The following MIGA1 variants were observed in gnomAD, a reference collection of about 807,000 sequenced individuals.
MIGA1 encodes mitoguardin 1, also known as family with sequence similarity 73, member A.
In MIGA1, 58 loss-of-function variants were observed where a neutral mutation model predicts 82.0. That is an observed-to-expected ratio of 0.71 (90% CI 0.57 to 0.88). The LOEUF (loss-of-function observed/expected upper bound fraction) is 0.88, where lower values mean the gene tolerates loss of function less well. Among genes scored for constraint, MIGA1 ranks in the 40% least tolerant of loss-of-function variants. The probability of loss-of-function intolerance (pLI) is 0.00; values close to 1 mark genes in which losing one functional copy is unlikely to be tolerated. For synonymous variants in MIGA1, 249 were observed against 253.6 expected (o/e 0.98, Z 0.17); for missense variants, 751 against 749.1 (o/e 1.00, Z -0.03).
chr1:77,869,985 C>T lies in MIGA1; in HGVS notation c.1564-3019C>T, dbSNP rs1394267060. Reference sequence around the variant, plus strand: ...GGGGCTGACCCCCCCACCTCCCTCCCGGATGGGGCGACTGGCCGGGCAGAG... The same window carrying T: ...GGGGCTGACCCCCCCACCTCCCTCCTGGATGGGGCGACTGGCCGGGCAGAG... On this transcript the variant is annotated intron_variant, in intron 14 of 15. Coordinates refer to ENST00000370791, the MANE Select transcript of MIGA1 (RefSeq NM_198549.4). Among the ~76,000 whole-genome samples the T allele has an allele frequency of 1.1e-4, 14 of 130,064 alleles. 1 individual carries two copies. Among genetic ancestry groups the T allele is most frequent in the Middle Eastern group, 4.8e-3 (1 of 210 alleles). 85.3% of individuals were successfully genotyped at this position (130,064 alleles called of 152,430 possible).
intron 8 of MIGA1, among the ~76,000 whole-genome samples, chr1:77,856,822 G>A (rs1405511683): frequency 6.6e-6 from 1 of 151,952 alleles, no homozygotes; most frequent in Non-Finnish European, 1.5e-5. Context: ...TTTTCAAAGA[G>A]CCAGCTTTTT....
chr1:77,812,064 A>G (rs1277625689), intron 5 of MIGA1, among the ~76,000 whole-genome samples: 1 of 152,240 alleles, frequency 6.6e-6, no homozygotes, highest in Non-Finnish European at 1.5e-5. Context: ...CTGTAATCCC[A>G]TAACTTAGGG....
rs918233648 is a variant in MIGA1 at position 77,878,906 on chromosome 1, T to C, written c.*3842T>C. On this transcript the variant is annotated 3_prime_UTR_variant, in exon 16 of 16. Coordinates refer to ENST00000370791, the MANE Select transcript of MIGA1 (RefSeq NM_198549.4). ...CATCCATTTACTATGATTCCGTTAA[T>C]TTGTTGAATTAAATGCCTTTATAAA... 37 of 343,350 alleles carry C rather than the reference T, an allele frequency of 1.1e-4. No homozygotes were observed. The highest frequency in any genetic ancestry group is 6.7e-4 in the African/African-American group (32 of 47,820). The allele number at this position is 343,350 out of a possible 1,614,324, so 21.3% of individuals were successfully genotyped here.
chr1:77,861,249 T>A lies in MIGA1; in HGVS notation c.1301T>A (p.Phe434Tyr). 1.2e-6 allele frequency: 2 copies of A among 1,612,898 alleles called. No individual in the cohort carries two copies. The highest frequency in any genetic ancestry group is 1.7e-6 in the Non-Finnish European group (2 of 1,179,120). ...AATCCAAAGAAGTTTGAAGATGTTT[T>A]TGATGAAATGATCTATTTTTTAGAG... The change falls in exon 12 of 16, where the codon TTT becomes TAT. Residue 434 changes from phenylalanine (F) to tyrosine (Y), a missense_variant. This residue lies in a region of MIGA1 where 265 missense variants were observed against 293.6 expected (regional missense o/e 0.90). Transcript: ENST00000370791.
chr1:77,879,537 G>A lies in MIGA1; in HGVS notation c.*4473G>A, dbSNP rs1646919519. Reference sequence around the variant, plus strand: ...TATTACTGCCAAATAAAAAAGTGATGGTACGTCTTGCTGATGTATTGAATA... The same window carrying A: ...TATTACTGCCAAATAAAAAAGTGATAGTACGTCTTGCTGATGTATTGAATA... On this transcript the variant is annotated 3_prime_UTR_variant, in exon 16 of 16. Coordinates refer to ENST00000370791, the MANE Select transcript of MIGA1 (RefSeq NM_198549.4). The A allele has an allele frequency of 6.6e-6, 1 of 152,032 alleles. No homozygotes were observed. Among genetic ancestry groups the A allele is most frequent in the African/African-American group, 2.4e-5 (1 of 41,396 alleles). The allele number at this position is 152,032 out of a possible 1,614,324, so 9.4% of individuals were successfully genotyped here.
intron 4 of MIGA1, among the ~76,000 whole-genome samples, chr1:77,804,189 G>A (rs974225077): frequency 5.9e-5 from 9 of 152,142 alleles, no homozygotes; most frequent in Admixed American, 3.3e-4. Context: ...ATAGGTGAAA[G>A]TATTTGGTTT....
intron 14 of MIGA1, among the ~76,000 whole-genome samples, chr1:77,869,745 C>T (rs1195696860): frequency 9.0e-6 from 1 of 111,602 alleles, no homozygotes; most frequent in Non-Finnish European, 1.8e-5. Flanking sequence ...CCGACCCCCC[C>T]CCCGCCTGCC....
intron 5 of MIGA1, chr1:77,810,767 C>A: frequency 7.5e-7 from 1 of 1,332,996 alleles, no homozygotes; most frequent in Non-Finnish European, 1.0e-6. Context: ...CGGCTTGCTT[C>A]CTGCCTGTTG....
intron 8 of MIGA1, among the ~76,000 whole-genome samples, chr1:77,843,737 T>C (rs1191641309): frequency 6.6e-6 from 1 of 152,138 alleles, no homozygotes; most frequent in Non-Finnish European, 1.5e-5. Context: ...ATTTCTTTAG[T>C]TCAGAAATCA....
chr1:77,795,998 C>T (rs1682637703), intron 2 of MIGA1, among the ~76,000 whole-genome samples: 1 of 152,054 alleles, frequency 6.6e-6, no homozygotes, highest in Non-Finnish European at 1.5e-5. Context: ...AGCAGTGAGA[C>T]ACCTGGCTCT....
At chr1:77,803,129 G>A (rs1310559404) in intron 3 of MIGA1, 141 bp from the exon 4 acceptor site, 1 of 416,038 alleles carries the variant, frequency 2.4e-6, no homozygotes, top group African/African-American at 2.1e-5. Context: ...TGATGTACAT[G>A]TAATAATTTA....
chr1:77,836,206 A>C (rs576087610), intron 7 of MIGA1, among the ~76,000 whole-genome samples: 1 of 152,308 alleles, frequency 6.6e-6, no homozygotes, highest in South Asian at 2.1e-4. Context: ...AAAAGAAAGA[A>C]AGTAAAGTCC....
At chr1:77,848,027 C>G (rs912374959) in intron 8 of MIGA1, 16 of 1,263,688 alleles carry the variant, frequency 1.3e-5, no homozygotes, top group Non-Finnish European at 1.9e-5. Flanking sequence ...AAAGAGGGCA[C>G]AGTGCCAGAC....
chr1:77,814,286 A>C (rs368362269), intron 6 of MIGA1, among the ~76,000 whole-genome samples: 1 of 152,144 alleles, frequency 6.6e-6, no homozygotes, highest in South Asian at 2.1e-4. Flanking sequence ...GGTATTTCTT[A>C]TTAGTCTTTT....
chr1:77,807,152 T>A (rs1345666234), intron 5 of MIGA1, 51 bp downstream of exon 5: 8 of 1,425,558 alleles, frequency 5.6e-6, no homozygotes, highest in Admixed American at 2.1e-5. Flanking sequence ...ATTTAATTTG[T>A]TTTGTTCTTG....
At chr1:77,790,260 A>T (rs1412398837) in intron 2 of MIGA1, among the ~76,000 whole-genome samples, 1 of 152,158 alleles carries the variant, frequency 6.6e-6, no homozygotes, top group Non-Finnish European at 1.5e-5. Context: ...TACCTCTTGC[A>T]TCCTCTTTAT....
chr1:77,869,936 C>T (rs1240154014), intron 14 of MIGA1, among the ~76,000 whole-genome samples: 8 of 135,638 alleles, frequency 5.9e-5, no homozygotes, highest in Non-Finnish European at 4.9e-5. Flanking sequence ...ACCTCCCTCC[C>T]GGACGGGGCG....
intron 7 of MIGA1, among the ~76,000 whole-genome samples, chr1:77,820,027 G>A (rs111666309): frequency 1.3e-5 from 2 of 151,844 alleles, no homozygotes; most frequent in African/African-American, 4.8e-5. Flanking sequence ...GGTCAGCTTA[G>A]AGCAGGCAGC....
intron 2 of MIGA1, among the ~76,000 whole-genome samples, chr1:77,793,825 C>T (rs1177468664): frequency 3.7e-5 from 5 of 136,520 alleles, no homozygotes; most frequent in East Asian, 2.2e-4. Context: ...CTCACTCTGT[C>T]GCCCAGGCTG....
Sources: gnomAD v4.1 joint callset for allele counts (sites outside exome capture counted in the v4.1 genomes callset) on GRCh38, gnomAD v4.1.1 for gene constraint, gnomAD v4.1.1 regional missense constraint, MANE v1.5 for transcripts, NCBI Gene and HGNC (gene_info 2026-07-23, HGNC 2026-07-21) for gene names.